Variants in ITGA7 observed in about 807,000 individuals in gnomAD.
The protein encoded by ITGA7 is integrin alpha-7.
Under a neutral mutation model 131.6 loss-of-function variants are expected in ITGA7, and 84 were observed. The ratio of observed to expected loss-of-function variants is 0.64; its 90% confidence interval spans 0.54 to 0.77. The LOEUF is 0.77. Ranked by LOEUF, ITGA7 falls within the 30% of genes least tolerant of loss-of-function variation. ITGA7 has a pLI of 0.00. For missense variants in ITGA7, 1,399 were observed against 1,482.9 expected (o/e 0.94, Z 0.93); for synonymous variants, 548 against 600.7 (o/e 0.91, Z 1.28).
chr12:55,694,352 G>A lies in ITGA7; in HGVS notation c.2358-22C>T, dbSNP rs775540864. On this transcript the variant is annotated intron_variant, in intron 17 of 24. Coordinates refer to ENST00000257879, the MANE Select transcript of ITGA7 (RefSeq NM_002206.3). The surrounding 1 kb of genome is among the most constrained non-coding windows in gnomAD (Gnocchi z 5.3). ...GATCCTGGTGAGTGGGCAGGGGCAA[G>A]TATGGGCATCAGGCACAGGCACCTC... 6.2e-7 allele frequency: 1 copy of A among 1,613,638 alleles called. No homozygotes were observed. Among genetic ancestry groups the A allele is most frequent in the Non-Finnish European group, 8.5e-7 (1 of 1,179,920 alleles).
Position 55,697,800 on chromosome 12 carries a change from C to G in ITGA7, c.1304G>C (p.Gly435Ala), listed in dbSNP as rs567048373. Residue 435 changes from glycine (G) to alanine (A), a missense_variant, in exon 9 of 25, where the codon GGC (glycine) becomes GCC (alanine). Coordinates refer to ENST00000257879, the MANE Select transcript of ITGA7 (RefSeq NM_002206.3). ...CAGGGAGTAGCCGAAGCTCTTGATGCCCACAGCCTCGCCCTCCAGCACCTA... is the reference window on the plus strand; with the variant it reads ...CAGGGAGTAGCCGAAGCTCTTGATGGCCACAGCCTCGCCCTCCAGCACCTA... Reference protein sequence around the residue: ...PSQVLEGEAVGIKSFGYSLSG... With the variant: ...PSQVLEGEAVAIKSFGYSLSG... The G allele has an allele frequency of 8.7e-6, 14 of 1,614,126 alleles. No homozygotes were observed. In the South Asian group the frequency reaches 1.3e-4, roughly 15 times the overall value.
Position 55,694,378 on chromosome 12 carries a change from C to A in ITGA7, c.2358-48G>T, listed in dbSNP as rs761463837. ...TATGGGCATCAGGCACAGGCACCTC[C>A]CAAGGGGTCAGATGAGGTCAATATG... On this transcript the variant is annotated intron_variant, in intron 17 of 24. Coordinates refer to ENST00000257879, the MANE Select transcript of ITGA7 (RefSeq NM_002206.3). This position sits in a 1 kb window ranked among gnomAD's most constrained non-coding sequence, Gnocchi z 5.3. 1.9e-6 allele frequency: 3 copies of A among 1,613,136 alleles called. No homozygotes were observed. In the South Asian group the frequency reaches 3.3e-5, roughly 18 times the overall value.
upstream of ITGA7, chr12:55,716,389 G>T (rs1183039388): frequency 6.4e-6 from 9 of 1,415,588 alleles, no homozygotes; most frequent in South Asian, 9.2e-5. Context: ...GGTCCCTTGG[G>T]CAATACTCCG....
At chr12:55,716,058 CCGG>C, upstream of ITGA7, 1 of 1,558,306 alleles carries the variant, frequency 6.4e-7, no homozygotes, top group Non-Finnish European at 8.7e-7. Context: ...TGACATGGCC[CCGG>C]GGAGCCGAGG....
rs759918378 is a variant in ITGA7 at position 55,694,851 on chromosome 12, G to A, written c.2123C>T (p.Ala708Val). 6 of 1,614,086 alleles carry A rather than the reference G, an allele frequency of 3.7e-6. No homozygotes were observed. Among genetic ancestry groups the A allele is most frequent in the Non-Finnish European group, 5.1e-6 (6 of 1,179,990 alleles). Residue 708 changes from alanine to valine, a missense_variant, in exon 15 of 25, where the codon GCC becomes GTC. Ala to Val is a moderately conservative substitution (Grantham distance 64). Coordinates refer to ENST00000257879, the MANE Select transcript of ITGA7 (RefSeq NM_002206.3). This position sits in a 1 kb window ranked among gnomAD's most constrained non-coding sequence, Gnocchi z 5.3. ...PAQPQADGDD[A>V]HEAQLLVMLP... ...CATGACCAGGAGCTGGGCTTCATGG[G>A]CATCATCCCCATCAGCCTGGGGCTG...
chr12:55,688,182 C>A lies in ITGA7; in HGVS notation c.3057+20G>T, dbSNP rs567515236. ...AAAGAAGAGAGTCCTCCCCACCTAT[C>A]CCCCAACCCTGCAGCTCACCACTGT... On this transcript the variant is annotated intron_variant, in intron 23 of 24. Transcript: ENST00000257879. The A allele has an allele frequency of 1.9e-5, 31 of 1,613,430 alleles. No individual in the cohort carries two copies. The South Asian group carries it at 3.0e-4, about 15-fold the overall frequency.
intron 12 of ITGA7, 23 bp from the exon 13 acceptor site, chr12:55,696,455 C>G: frequency 3.8e-6 from 6 of 1,585,426 alleles, no homozygotes; most frequent in Non-Finnish European, 5.2e-6. Context: ...AGGTCTATTC[C>G]TCACTGGAAC....
upstream of ITGA7, chr12:55,716,395 C>T: frequency 7.1e-7 from 1 of 1,400,642 alleles, no homozygotes; most frequent in Non-Finnish European, 9.2e-7. Context: ...TTGGGCAATA[C>T]TCCGGTCCCC....
rs1292181810 is a variant in ITGA7 at position 55,688,090 on chromosome 12, C to G, written c.3064G>C (p.Val1022Leu). 9 of 1,614,062 alleles carry G rather than the reference C, an allele frequency of 5.6e-6. No homozygotes were observed. The highest frequency in any genetic ancestry group is 7.6e-6 in the Non-Finnish European group (9 of 1,180,030). The change falls in exon 24 of 25, where the codon GTG (valine) becomes CTG (leucine). Residue 1022 changes from valine to leucine, a missense_variant. Physicochemically the swap from Val to Leu is conservative, Grantham distance 32. Transcript: ENST00000257879. ...MLRDASTVIP[V>L]MVYLDPMAVV... is the part of the protein sequence containing the mutation. ...GCCATGGGGTCCAAGTATACCATCACTGGGATCTGGGGAGCAAGGGGTCAA... is the reference window on the plus strand; with the variant it reads ...GCCATGGGGTCCAAGTATACCATCAGTGGGATCTGGGGAGCAAGGGGTCAA...
At chr12:55,697,901 C>T (rs1392108432) in intron 8 of ITGA7, 37 bp downstream of exon 8, 2 of 1,614,092 alleles carry the variant, frequency 1.2e-6, no homozygotes, top group East Asian at 2.2e-5. Context: ...GCTGATTCCA[C>T]CCACACCCAT....
upstream of ITGA7, among the ~76,000 whole-genome samples, chr12:55,711,859 T>C (rs1486272644): frequency 2.0e-5 from 3 of 152,214 alleles, no homozygotes; most frequent in East Asian, 1.9e-4. Flanking sequence ...TTCCCCACTT[T>C]GAGATCAGTA....
upstream of ITGA7, chr12:55,716,037 C>T (rs1325466574): frequency 5.8e-6 from 9 of 1,543,760 alleles, no homozygotes; most frequent in South Asian, 4.7e-5. Flanking sequence ...TCACGTGACA[C>T]AGCGGTCACG....
intron 24 of ITGA7, among the ~76,000 whole-genome samples, chr12:55,686,818 C>A (rs910267057): frequency 3.7e-4 from 57 of 152,252 alleles, no homozygotes; most frequent in African/African-American, 1.3e-3. Flanking sequence ...GCCATGAGGG[C>A]AGTCCCCTGG....
intron 13 of ITGA7, among the ~76,000 whole-genome samples, chr12:55,695,917 G>A (rs764376726): frequency 3.3e-5 from 5 of 151,976 alleles, no homozygotes; most frequent in South Asian, 2.1e-4. Flanking sequence ...ACTGAGTTCC[G>A]GATTTAGAAC....
upstream of ITGA7, among the ~76,000 whole-genome samples, chr12:55,710,138 A>G (rs1370814971): frequency 6.6e-6 from 1 of 152,186 alleles, no homozygotes; most frequent in East Asian, 1.9e-4. Context: ...AAGCAGGCGG[A>G]TCACCTGAGA....
rs753084217 is a variant in ITGA7, at chr12:55,701,120, A to C, written c.449T>G (p.Val150Gly). Residue 150 changes from valine (V) to glycine (G), a missense_variant, in exon 4 of 25, where the codon GTG (valine) becomes GGG (glycine). Val to Gly is a moderately radical substitution (Grantham distance 109, BLOSUM62 -3). Transcript: ENST00000257879. The part of the protein sequence containing the change: ...CAHRYEARQR[V>G]DQILETRDMI... ...ATCCCGCGTCTCCAGGATCTGGTCC[A>C]CTCGCTGCCTTGCCTCATATCGGTG... is the stretch of plus-strand genomic sequence containing the variant. The C allele has an allele frequency of 6.2e-7, 1 of 1,614,116 alleles. No homozygotes were observed. The highest frequency in any genetic ancestry group is 1.3e-5 in the African/African-American group (1 of 75,026).
intron 3 of ITGA7, chr12:55,701,528 G>C: frequency 1.0e-6 from 1 of 990,164 alleles, no homozygotes; most frequent in South Asian, 1.4e-5. Context: ...ACCTTTGTAA[G>C]TGTCACCATC....
In ITGA7 at chr12:55,695,669, T is replaced by C; in HGVS notation, c.1888-32A>G. On this transcript the variant is annotated intron_variant, in intron 13 of 24. Coordinates refer to ENST00000257879, the MANE Select transcript of ITGA7 (RefSeq NM_002206.3). The stretch of plus-strand genomic sequence containing the variant: ...AGAGACATGAGATAAGGGGCATTCC[T>C]AGGGGGCAAGGCAGGGGGCAAACCT... 3 of 1,520,726 alleles carry C rather than the reference T, an allele frequency of 2.0e-6. No individual in the cohort carries two copies. The South Asian group carries it at 3.4e-5, about 17-fold the overall frequency. The allele number at this position is 1,520,726 out of a possible 1,614,324, so 94.2% of individuals were successfully genotyped here.
In ITGA7 at chr12:55,707,688, G is replaced by GAT. The variant is rs1474925744; in HGVS notation, c.-8_-7dup. On this transcript the variant is annotated 5_prime_UTR_variant, in exon 1 of 25. Transcript: ENST00000257879. ...CGGCTCCGAGCCCCGGCCATGGGACGATCCCTGCGCGAGCTCCCAGCGAAT... is the reference window on the plus strand; with the variant it reads ...CGGCTCCGAGCCCCGGCCATGGGACGATATCCCTGCGCGAGCTCCCAGCGAAT... The GAT allele has an allele frequency of 1.9e-6, 3 of 1,565,654 alleles. No individual in the cohort carries two copies. Among genetic ancestry groups the GAT allele is most frequent in the Non-Finnish European group, 2.6e-6 (3 of 1,155,048 alleles).
Sources: allele counts gnomAD v4.1 joint callset (sites outside exome capture counted in the v4.1 genomes callset), GRCh38; gene constraint gnomAD v4.1.1; non-coding constraint Gnocchi (gnomAD v3.1); transcripts MANE v1.5; gene names NCBI Gene and HGNC (gene_info 2026-07-23, HGNC 2026-07-21).